The following RAPSN variants were observed in gnomAD, a reference collection of about 807,000 sequenced individuals.
RAPSN encodes receptor associated protein of the synapse, also known as 43 kDa receptor-associated protein of the synapse.
A neutral mutation model predicts 45.7 loss-of-function variants in RAPSN; 33 were observed. The observed-to-expected ratio is 0.72, with a 90% CI of 0.55 to 0.97. The LOEUF (loss-of-function observed/expected upper bound fraction) is 0.97. Ranked by LOEUF, RAPSN falls within the 50% of genes least tolerant of loss-of-function variation. RAPSN has a pLI of 0.00. For missense variants in RAPSN, 519 were observed against 559.4 expected, an observed-to-expected ratio of 0.93 and a Z score of 0.73; for synonymous variants, 244 against 233.6, an observed-to-expected ratio of 1.04 and a Z score of -0.40.
At position 47,439,422 on chromosome 11, in the gene RAPSN, C is replaced by T. The variant is rs561248856; in HGVS notation, c.967-491G>A. Among the ~76,000 whole-genome samples the T allele has an allele frequency of 3.9e-5, 6 of 152,152 alleles. No individual in the cohort carries two copies. The Middle Eastern group carries it at 0.014, about 345-fold the overall frequency. On this transcript the variant is annotated intron_variant, in intron 6 of 7. Transcript: ENST00000298854. ...CCAGGAGGCGGAGGTTGCAGTAAGCCGAAATCGCACCACTGCACTCCAGCC... is the reference window on the plus strand; with the variant it reads ...CCAGGAGGCGGAGGTTGCAGTAAGCTGAAATCGCACCACTGCACTCCAGCC...
In RAPSN at chr11:47,438,951, A is replaced by C; in HGVS notation, c.967-20T>G. 1 of 1,551,224 alleles carries C rather than the reference A, an allele frequency of 6.4e-7. No homozygotes were observed. The highest frequency in any genetic ancestry group is 8.7e-7 in the Non-Finnish European group (1 of 1,147,604). ...GCTCAGCTGGGGCCCGCAGGAGTGGAGAGCGCCAGTGGGGGATGAGAACAA... is the reference window on the plus strand; with the variant it reads ...GCTCAGCTGGGGCCCGCAGGAGTGGCGAGCGCCAGTGGGGGATGAGAACAA... On this transcript the variant is annotated intron_variant, in intron 6 of 7. Coordinates refer to ENST00000298854, the MANE Select transcript of RAPSN (RefSeq NM_005055.5).
At position 47,442,878 on chromosome 11, in the gene RAPSN, T is replaced by C. The variant is rs2076377060; in HGVS notation, c.532-64A>G. On this transcript the variant is annotated intron_variant, in intron 2 of 7. Coordinates refer to ENST00000298854, the MANE Select transcript of RAPSN (RefSeq NM_005055.5). ...GCAGAGGCTGCCCCAAGTCAAGGGC[T>C]CCTGGGCTAGGTTTCTCTAACAGCA... 6.2e-6 allele frequency: 10 copies of C among 1,605,936 alleles called. No individual in the cohort carries two copies. In the Admixed American group the frequency reaches 1.3e-4, roughly 21 times the overall value.
chr11:47,445,124 G>A (rs1452656118), intron 2 of RAPSN, among the ~76,000 whole-genome samples: 4 of 151,394 alleles, frequency 2.6e-5, no homozygotes, highest in Non-Finnish European at 4.4e-5. Flanking sequence ...CCAGCTACTC[G>A]GGAGGCTGAG....
At chr11:47,447,491 C>T (rs1238069611) in intron 2 of RAPSN, among the ~76,000 whole-genome samples, 1 of 152,168 alleles carries the variant, frequency 6.6e-6, no homozygotes, top group Non-Finnish European at 1.5e-5. Flanking sequence ...AGATCTCTCC[C>T]AAGGTTCAGA....
At position 47,437,908 on chromosome 11, in the gene RAPSN, G is replaced by A. The variant is rs1288869451; in HGVS notation, c.*67C>T. 4 of 1,538,786 alleles carry A rather than the reference G, an allele frequency of 2.6e-6. No homozygotes were observed. The African/African-American group carries it at 4.1e-5, about 16-fold the overall frequency. ...CTGGCAGCTGCCCCAGGAGTAAATG[G>A]GCCTCTGGCGTGCAGTGGAGAAAGA... On this transcript the variant is annotated 3_prime_UTR_variant, in exon 8 of 8. Coordinates refer to ENST00000298854, the MANE Select transcript of RAPSN (RefSeq NM_005055.5).
intron 6 of RAPSN, 54 bp downstream of exon 6, chr11:47,441,105 A>G (rs1472009844): frequency 6.2e-7 from 1 of 1,609,502 alleles, no homozygotes; most frequent in African/African-American, 1.3e-5. Flanking sequence ...CCCAGACCCA[A>G]GTTCCCCACT....
At chr11:47,442,623 AT>A in intron 3 of RAPSN, 32 bp downstream of exon 3, 1 of 1,609,126 alleles carries the variant, frequency 6.2e-7, no homozygotes, top group Non-Finnish European at 8.5e-7. Context: ...ACACCACCTC[AT>A]CCCCGACCTG....
intron 2 of RAPSN, among the ~76,000 whole-genome samples, chr11:47,444,643 A>T (rs2076390285): frequency 6.7e-6 from 1 of 149,378 alleles, no homozygotes; most frequent in Non-Finnish European, 1.5e-5. Flanking sequence ...CAGATCATGA[A>T]GTCAGGAGAT....
chr11:47,447,290 T>G (rs2076414437), intron 2 of RAPSN, among the ~76,000 whole-genome samples: 1 of 152,184 alleles, frequency 6.6e-6, no homozygotes, highest in South Asian at 2.1e-4. Flanking sequence ...ACCACTTGAC[T>G]TCCTGACTGT....
chr11:47,448,750 GC>G, intron 1 of RAPSN, 22 bp downstream of exon 1: 1 of 1,604,660 alleles, frequency 6.2e-7, no homozygotes. Context: ...ACCCTCGAAC[GC>G]CCCCAGGCCG....
At position 47,442,687 on chromosome 11, in the gene RAPSN, C is replaced by T; in HGVS notation, c.659G>A (p.Gly220Asp). 1 of 1,614,246 alleles carries T rather than the reference C, an allele frequency of 6.2e-7. No individual in the cohort carries two copies. The highest frequency in any genetic ancestry group is 8.5e-7 in the Non-Finnish European group (1 of 1,180,038). Reference sequence around the variant, plus strand: ...ACACTCCATGGCACTGCCCAGGCGGCCCAGCAGGCGATAGGCCACGGCCAT... The same window carrying T: ...ACACTCCATGGCACTGCCCAGGCGGTCCAGCAGGCGATAGGCCACGGCCAT... The part of the protein sequence containing the change: ...YHMAVAYRLL[G>D]RLGSAMECCE... The change falls in exon 3 of 8, where the codon GGC becomes GAC. Residue 220 changes from glycine (G) to aspartate (D), a missense_variant. Transcript: ENST00000298854.
Position 47,449,127 on chromosome 11 carries a change from C to G in RAPSN, c.-163G>C, listed in dbSNP as rs1252770451. ...GGGCCTGGATGGAGAGCAGGCGCCA[C>G]CCTGGGAACAAAGCTGGTTCAGCCC... On this transcript the variant is annotated 5_prime_UTR_variant, in exon 1 of 8. Transcript: ENST00000298854. The G allele has an allele frequency of 2.0e-5, 16 of 814,424 alleles. No homozygotes were observed. Among genetic ancestry groups the G allele is most frequent in the Non-Finnish European group, 3.0e-5 (15 of 493,578 alleles). 50.4% of individuals were successfully genotyped at this position (814,424 alleles called of 1,614,324 possible).
rs1469910398 is a variant in RAPSN at position 47,438,914 on chromosome 11, C to A, written c.984G>T (p.Leu328=). 2 of 1,559,574 alleles carry A rather than the reference C, an allele frequency of 1.3e-6. No individual in the cohort carries two copies. Among genetic ancestry groups the A allele is most frequent in the Admixed American group, 1.9e-5 (1 of 51,720 alleles). The change falls in exon 7 of 8, where the codon CTG becomes CTT. Residue 328 remains leucine (L), a synonymous_variant. Coordinates refer to ENST00000298854, the MANE Select transcript of RAPSN (RefSeq NM_005055.5). ...GGTAAATGCTCTCGCTCAGACAGTG[C>A]AGCTTGAGCTGGCTCAGCTGGGGCC... is the stretch of plus-strand genomic sequence containing the variant. The part of the protein sequence containing the change: ...EVGNKLSQLK[L]HCLSESIYRS...
chr11:47,441,177 G>A lies in RAPSN; in HGVS notation c.948C>T (p.Ala316=), dbSNP rs374676714. Residue 316 remains alanine, a synonymous_variant, in exon 6 of 8, where the codon GCC becomes GCT. Coordinates refer to ENST00000298854, the MANE Select transcript of RAPSN (RefSeq NM_005055.5). ...LDAIERAQDL[A]EEVGNKLSQL... is the part of the protein sequence containing the mutation. ...GTCTGACCTTGTTCCCCACCTCCTC[G>A]GCCAGATCCTGGGCTCTCTCGATGG... 106 of 1,613,908 alleles carry A rather than the reference G, an allele frequency of 6.6e-5. No individual in the cohort carries two copies. The Middle Eastern group carries it at 1.8e-3, about 28-fold the overall frequency.
rs758794718 is a variant in RAPSN, at chr11:47,441,856, G to A, written c.756C>T (p.Phe252=). 192 of 1,592,796 alleles carry A rather than the reference G, an allele frequency of 1.2e-4. No individual in the cohort carries two copies. Among genetic ancestry groups the A allele is most frequent in the Non-Finnish European group, 1.5e-4 (171 of 1,174,548 alleles). The change falls in exon 4 of 8, where the codon TTC becomes TTT. Residue 252 remains phenylalanine (F), a synonymous_variant. Transcript: ENST00000298854. ...CCCCACGGCTCCGGTGGATGTCAGCGAAGCAGAGCAGGCAGAGCGCCTGCA... is the reference window on the plus strand; with the variant it reads ...CCCCACGGCTCCGGTGGATGTCAGCAAAGCAGAGCAGGCAGAGCGCCTGCA... ...RPLQALCLLC[F]ADIHRSRGDL... is the part of the protein sequence containing the mutation.
chr11:47,444,403 G>A (rs4752837), intron 2 of RAPSN, among the ~76,000 whole-genome samples: 94,197 of 151,752 alleles, frequency 0.62, 30,802 homozygotes, highest in South Asian at 0.78. Context: ...GCCAGATGTG[G>A]AAGAATGTGC....
chr11:47,447,798 G>T lies in RAPSN; in HGVS notation c.531+14C>A. Reference sequence around the variant, plus strand: ...AAAACCCTCCACTGCTGTCCCCCTGGGGTGCAGGCCCACCTTGACCTGGGC... The same window carrying T: ...AAAACCCTCCACTGCTGTCCCCCTGTGGTGCAGGCCCACCTTGACCTGGGC... On this transcript the variant is annotated intron_variant, in intron 2 of 7. Transcript: ENST00000298854. 1 of 1,605,632 alleles carries T rather than the reference G, an allele frequency of 6.2e-7. No individual in the cohort carries two copies. The highest frequency in any genetic ancestry group is 1.1e-5 in the South Asian group (1 of 89,676).
chr11:47,440,141 C>T lies in RAPSN; in HGVS notation c.966+1018G>A, dbSNP rs115599318. Among the ~76,000 whole-genome samples the T allele has an allele frequency of 5.5e-3, 841 of 152,250 alleles. 10 individuals are homozygous for T. The highest frequency in any genetic ancestry group is 0.018 in the African/African-American group (758 of 41,556). Reference sequence around the variant, plus strand: ...AAGTTAGTAGGTGTGGGACCTTGGACGCCTCTTTGAGCCTCACTTTTCCTC... The same window carrying T: ...AAGTTAGTAGGTGTGGGACCTTGGATGCCTCTTTGAGCCTCACTTTTCCTC... On this transcript the variant is annotated intron_variant, in intron 6 of 7. Coordinates refer to ENST00000298854, the MANE Select transcript of RAPSN (RefSeq NM_005055.5).
rs778157857 is a variant in RAPSN, at chr11:47,448,123, G to A, written c.220C>T (p.Arg74Trp). The A allele has an allele frequency of 2.5e-5, 40 of 1,612,876 alleles. 2 individuals carry two copies. The South Asian group carries it at 3.3e-4, about 13-fold the overall frequency. The change falls in exon 2 of 8, where the codon CGG becomes TGG. Residue 74 changes from arginine (R) to tryptophan (W), a missense_variant. Arg to Trp is a moderately radical substitution (Grantham distance 101). Transcript: ENST00000298854. ...AGGAAGTCGGCATCCTCCAGCTCCC[G>A]GGCCGTGTCGATCTGGACCACAGCG... ...KFAVVQIDTARELEDADFLLE... is the reference protein window; with the variant it reads ...KFAVVQIDTAWELEDADFLLE...
Sources: allele counts gnomAD v4.1 joint callset (sites outside exome capture counted in the v4.1 genomes callset), GRCh38; gene constraint gnomAD v4.1.1; transcripts MANE v1.5; gene names NCBI Gene and HGNC (gene_info 2026-07-23, HGNC 2026-07-21).